KCNH1: variants seen among roughly 807,000 people sequenced by gnomAD.
KCNH1 encodes potassium voltage-gated channel subfamily H member 1.
KCNH1 carries 27 observed loss-of-function variants against 69.2 expected under a neutral mutation model. The observed-to-expected ratio is 0.39, with a 90% CI of 0.29 to 0.54. The LOEUF (loss-of-function observed/expected upper bound fraction) is 0.54. KCNH1 is among the 20% of genes least tolerant of loss of function. The pLI is 0.68. For synonymous variants in KCNH1, 456 were observed against 487.7 expected, an observed-to-expected ratio of 0.93 and a Z score of 0.86; for missense variants, 798 against 1,261.6, an observed-to-expected ratio of 0.63 and a Z score of 5.57.
intron 10 of KCNH1, among the ~76,000 whole-genome samples, chr1:210,711,435 C>A (rs1265796447): frequency 6.6e-6 from 1 of 152,234 alleles, no homozygotes; most frequent in East Asian, 1.9e-4. Flanking sequence ...AGCCCGGGGC[C>A]TATGGAATCT....
At chr1:210,859,741 T>C in intron 7 of KCNH1, 1 of 1,100,704 alleles carries the variant, frequency 9.1e-7, no homozygotes, top group Non-Finnish European at 1.4e-6. Flanking sequence ...TTGGGGTATC[T>C]GTTCCATATC....
intron 6 of KCNH1, among the ~76,000 whole-genome samples, chr1:210,940,894 A>T (rs1388692749): frequency 6.6e-6 from 1 of 152,242 alleles, no homozygotes; most frequent in East Asian, 1.9e-4. Context: ...TTGTATCCTG[A>T]CATTGATGCA....
intron 7 of KCNH1, among the ~76,000 whole-genome samples, chr1:210,878,817 A>G (rs751713493): frequency 4.9e-4 from 74 of 152,140 alleles, no homozygotes; most frequent in African/African-American, 5.5e-4. Context: ...TTAAAAATCA[A>G]TAGAGAAAAT....
At chr1:210,787,871 A>G (rs1574256020) in intron 9 of KCNH1, among the ~76,000 whole-genome samples, 2 of 152,250 alleles carry the variant, frequency 1.3e-5, no homozygotes, top group African/African-American at 4.8e-5. Context: ...ATATGGGTCA[A>G]CAGCCTTCCT....
chr1:210,882,927 AGT>A (rs1490975902), intron 7 of KCNH1, among the ~76,000 whole-genome samples: 1 of 152,212 alleles, frequency 6.6e-6, no homozygotes, highest in African/African-American at 2.4e-5. Context: ...ATTAATACAT[AGT>A]AAAAACATAA....
At chr1:211,081,841 T>TA (rs1313417972) in intron 5 of KCNH1, among the ~76,000 whole-genome samples, 1 of 152,016 alleles carries the variant, frequency 6.6e-6, no homozygotes, top group African/African-American at 2.4e-5. Flanking sequence ...GGGGGAGGGA[T>TA]AGCGTTAGGA....
At chr1:211,005,987 TG>T (rs1327325324) in intron 6 of KCNH1, among the ~76,000 whole-genome samples, 7 of 152,144 alleles carry the variant, frequency 4.6e-5, no homozygotes, top group Non-Finnish European at 7.4e-5. Flanking sequence ...CAAAAATTTA[TG>T]AAACGATGCT....
chr1:210,891,085 G>T (rs549469238), intron 7 of KCNH1, among the ~76,000 whole-genome samples: 1 of 152,124 alleles, frequency 6.6e-6, no homozygotes, highest in African/African-American at 2.4e-5. Context: ...AAAGTCACAC[G>T]CACACGTATG....
chr1:210,880,874 CAAAAAT>C (rs1054933638), intron 7 of KCNH1, among the ~76,000 whole-genome samples: 8 of 151,752 alleles, frequency 5.3e-5, no homozygotes, highest in African/African-American at 1.7e-4. Context: ...CTCTAAAACT[CAAAAAT>C]AAAAATAAAA....
At chr1:210,757,848 G>T (rs752310913) in intron 10 of KCNH1, among the ~76,000 whole-genome samples, 13 of 152,224 alleles carry the variant, frequency 8.5e-5, no homozygotes, top group Non-Finnish European at 1.8e-4. Flanking sequence ...CCCTGTGGGG[G>T]CTCCATAAAG....
chr1:210,864,530 C>T (rs995281768), intron 7 of KCNH1, among the ~76,000 whole-genome samples: 1 of 152,190 alleles, frequency 6.6e-6, no homozygotes. Context: ...TGCCACTGCT[C>T]ACAGTAAACA....
intron 6 of KCNH1, among the ~76,000 whole-genome samples, chr1:211,005,197 T>C (rs1013287745): frequency 9.9e-5 from 15 of 152,120 alleles, no homozygotes; most frequent in Admixed American, 6.5e-4. Context: ...GAAATATTTC[T>C]AGAAAAATTC....
rs57669878 is a variant in KCNH1, at chr1:210,738,552, CTTTTTTTTTTTTTTT to C, written c.2112+36781_2112+36795del. Among the ~76,000 whole-genome samples the C allele has an allele frequency of 2.5e-3, 125 of 49,156 alleles. 3 individuals are homozygous for C. The highest frequency in any genetic ancestry group is 8.2e-3 in the African/African-American group (122 of 14,890). The allele number at this position is 49,156 out of a possible 152,430, so 32.2% of individuals were successfully genotyped here. On this transcript the variant is annotated intron_variant, in intron 10 of 10. Transcript: ENST00000271751. ...CTGTATTCCTGGCTTGGCTTTTTTG[CTTTTTTTTTTTTTTT>C]TTTTTTTTTTTTTTCTGAGACAGGG... is the stretch of plus-strand genomic sequence containing the variant.
intron 7 of KCNH1, among the ~76,000 whole-genome samples, chr1:210,879,906 T>C (rs1039104678): frequency 1.3e-5 from 2 of 152,134 alleles, no homozygotes; most frequent in African/African-American, 4.8e-5. Flanking sequence ...AGTTGTAAGA[T>C]ATAAGGTTAA....
intron 7 of KCNH1, among the ~76,000 whole-genome samples, chr1:210,826,446 C>T (rs1166547789): frequency 6.6e-6 from 1 of 152,094 alleles, no homozygotes; most frequent in East Asian, 1.9e-4. Context: ...AAATATGGAA[C>T]CTCAAATCAA....
intron 5 of KCNH1, among the ~76,000 whole-genome samples, chr1:211,045,192 C>T (rs577716662): frequency 3.7e-4 from 56 of 151,642 alleles, no homozygotes; most frequent in African/African-American, 1.3e-3. Flanking sequence ...TGTATGCTCT[C>T]ACTTATAAGT....
At chr1:210,954,752 G>GT (rs1426358961) in intron 6 of KCNH1, among the ~76,000 whole-genome samples, 2 of 151,506 alleles carry the variant, frequency 1.3e-5, no homozygotes, top group Non-Finnish European at 3.0e-5. Context: ...TGATGGGGTT[G>GT]TTTTTTTCTT....
In KCNH1 at chr1:210,919,653, G is replaced by T; in HGVS notation, c.1449C>A (p.Ile483=). The T allele has an allele frequency of 1.9e-6, 3 of 1,613,016 alleles. No individual in the cohort carries two copies. The highest frequency in any genetic ancestry group is 2.5e-6 in the Non-Finnish European group (3 of 1,179,194). ...TGTCATACTTACAGCCAATCATCAT[G>T]ATGGCCACTGCAAAGATCTTCTCAA... ...TDIEKIFAVA[I]MMIGSLLYAT... is the part of the protein sequence containing the mutation. The change falls in exon 7 of 11, where the codon ATC becomes ATA. Residue 483 remains isoleucine, a synonymous_variant. Transcript: ENST00000271751. The surrounding 1 kb of genome is among the most constrained non-coding windows in gnomAD (Gnocchi z 4.2).
intron 6 of KCNH1, among the ~76,000 whole-genome samples, chr1:211,010,400 T>C (rs1689372287): frequency 6.6e-6 from 1 of 152,272 alleles, no homozygotes; most frequent in African/African-American, 2.4e-5. Context: ...TGGAAGTCCA[T>C]GATGGCTTCT....
Sources: allele counts gnomAD v4.1 joint callset (sites outside exome capture counted in the v4.1 genomes callset), GRCh38; gene constraint gnomAD v4.1.1; non-coding constraint Gnocchi (gnomAD v3.1); transcripts MANE v1.5; gene names NCBI Gene and HGNC (gene_info 2026-07-23, HGNC 2026-07-21).